Variants in BAIAP2L1 observed in about 807,000 individuals in gnomAD.
BAIAP2L1 encodes BAR/IMD domain-containing adapter protein 2-like 1.
In BAIAP2L1, 35 loss-of-function variants were observed where a neutral mutation model predicts 66.3. That is an observed-to-expected ratio of 0.53 (90% confidence interval 0.40 to 0.70). The LOEUF (loss-of-function observed/expected upper bound fraction) is 0.70. Among genes scored for constraint, BAIAP2L1 ranks in the 30% least tolerant of loss-of-function variants. The pLI is 0.00. For missense variants in BAIAP2L1, 622 were observed against 656.9 expected, an observed-to-expected ratio of 0.95 and a Z score of 0.58; for synonymous variants, 269 against 248.7, an observed-to-expected ratio of 1.08 and a Z score of -0.77.
At chr7:98,302,460 G>A (rs1584423902) in intron 12 of BAIAP2L1, among the ~76,000 whole-genome samples, 1 of 152,154 alleles carries the variant, frequency 6.6e-6, no homozygotes, top group South Asian at 2.1e-4. Flanking sequence ...AGAGATGGAC[G>A]TCCACACGTG....
chr7:98,368,605 C>A (rs1802441130), intron 1 of BAIAP2L1, among the ~76,000 whole-genome samples: 1 of 151,964 alleles, frequency 6.6e-6, no homozygotes, highest in Admixed American at 6.6e-5. Context: ...GCAGGAGAAT[C>A]ATTTGAACCT....
In BAIAP2L1 at chr7:98,293,530, G is replaced by C; in HGVS notation, c.1527C>G (p.Ile509Met). ...GTCCTTGGCTGTCCTCTCATCGAAT[G>C]ATGGGTGCCGAGCGATCATTCGTCA... ...PTVTNDRSAP[I>M]IR The change falls in exon 14 of 14, where the codon ATC becomes ATG. Residue 509 changes from isoleucine to methionine, a missense_variant. Transcript: ENST00000005260. The C allele has an allele frequency of 6.2e-7, 1 of 1,613,434 alleles. No individual in the cohort carries two copies. Among genetic ancestry groups the C allele is most frequent in the East Asian group, 2.2e-5 (1 of 44,886 alleles).
intron 3 of BAIAP2L1, 80 bp downstream of exon 3, chr7:98,354,962 G>T: frequency 1.9e-6 from 2 of 1,037,498 alleles, no homozygotes; most frequent in South Asian, 2.6e-5. Flanking sequence ...CTCTGTTCTG[G>T]ACTGGGCCAT....
chr7:98,394,314 T>C (rs1803148713), intron 1 of BAIAP2L1, among the ~76,000 whole-genome samples: 1 of 152,102 alleles, frequency 6.6e-6, no homozygotes, highest in African/African-American at 2.4e-5. Flanking sequence ...GCAGTTATGA[T>C]AGTTTTAGAG....
intron 3 of BAIAP2L1, chr7:98,323,151 C>G (rs199841098): frequency 4.1e-4 from 62 of 152,250 alleles, no homozygotes; most frequent in African/African-American, 1.4e-3. Context: ...TCTTCCAGAA[C>G]GGGGCATGAG....
chr7:98,375,985 A>G (rs1802618923), intron 1 of BAIAP2L1, among the ~76,000 whole-genome samples: 1 of 152,168 alleles, frequency 6.6e-6, no homozygotes, highest in Non-Finnish European at 1.5e-5. Flanking sequence ...CAAGATTAAC[A>G]TAAAATTTTG....
chr7:98,393,643 T>C (rs1399165219), intron 1 of BAIAP2L1, among the ~76,000 whole-genome samples: 1 of 151,370 alleles, frequency 6.6e-6, no homozygotes. Context: ...GACTACAGCC[T>C]CCCGCCACCG....
At chr7:98,294,342 A>G (rs1800097721) in intron 12 of BAIAP2L1, among the ~76,000 whole-genome samples, 1 of 152,216 alleles carries the variant, frequency 6.6e-6, no homozygotes, top group African/African-American at 2.4e-5. Flanking sequence ...TCTAAAACAT[A>G]AGGGATGTTT....
chr7:98,365,506 C>T (rs867224703), intron 1 of BAIAP2L1, among the ~76,000 whole-genome samples: 1 of 152,110 alleles, frequency 6.6e-6, no homozygotes, highest in Non-Finnish European at 1.5e-5. Context: ...AGTTTCACTC[C>T]GTTGCCCAGG....
chr7:98,308,471 G>A (rs1000436161), intron 9 of BAIAP2L1: 8 of 365,238 alleles, frequency 2.2e-5, no homozygotes, highest in East Asian at 7.3e-5. Flanking sequence ...CTGCCATCCC[G>A]CCAGGCTCCC....
chr7:98,338,912 A>G (rs1285357865), intron 3 of BAIAP2L1, among the ~76,000 whole-genome samples: 1 of 151,958 alleles, frequency 6.6e-6, no homozygotes, highest in Non-Finnish European at 1.5e-5. Flanking sequence ...CGTCTCTACT[A>G]AAAATACAAA....
intron 1 of BAIAP2L1, among the ~76,000 whole-genome samples, chr7:98,396,052 CCA>C (rs547185789): frequency 5.3e-5 from 8 of 152,122 alleles, no homozygotes; most frequent in Non-Finnish European, 1.2e-4. Flanking sequence ...CTTCAACATT[CCA>C]CACAGTTTTT....
intron 3 of BAIAP2L1, among the ~76,000 whole-genome samples, chr7:98,345,673 C>T (rs777934000): frequency 1.3e-5 from 2 of 150,868 alleles, no homozygotes; most frequent in African/African-American, 4.9e-5. Flanking sequence ...TGCAGTGAGC[C>T]GAGATCGCAC....
chr7:98,387,209 GA>G, intron 1 of BAIAP2L1, among the ~76,000 whole-genome samples: 1 of 152,174 alleles, frequency 6.6e-6, no homozygotes. Flanking sequence ...AGGCGGAGGA[GA>G]GGGGCTGCGG....
intron 12 of BAIAP2L1, among the ~76,000 whole-genome samples, chr7:98,302,152 T>C (rs1324590629): frequency 3.9e-5 from 6 of 152,250 alleles, no homozygotes; most frequent in African/African-American, 1.4e-4. Context: ...CTGTCATTAC[T>C]GAGTACACTG....
intron 2 of BAIAP2L1, among the ~76,000 whole-genome samples, chr7:98,361,997 G>C (rs1200489457): frequency 6.6e-6 from 1 of 152,124 alleles, no homozygotes; most frequent in African/African-American, 2.4e-5. Context: ...CTAAAGACAA[G>C]AAATTCTTTT....
In BAIAP2L1 at chr7:98,341,534, T is replaced by G. The variant is rs569042135; in HGVS notation, c.214+13508A>C. Among the ~76,000 whole-genome samples the G allele has an allele frequency of 2.4e-3, 367 of 152,188 alleles. 3 individuals are homozygous for G. Among genetic ancestry groups the G allele is most frequent in the South Asian group, 9.8e-3 (47 of 4,818 alleles). Reference sequence around the variant, plus strand: ...CCCCATCTCTAAAAAAAATTTTTTATTTTTTAAAAAAGCACATCTTTTGGA... The same window carrying G: ...CCCCATCTCTAAAAAAAATTTTTTAGTTTTTAAAAAAGCACATCTTTTGGA... On this transcript the variant is annotated intron_variant, in intron 3 of 13. Coordinates refer to ENST00000005260, the MANE Select transcript of BAIAP2L1 (RefSeq NM_018842.5).
intron 2 of BAIAP2L1, among the ~76,000 whole-genome samples, chr7:98,359,745 GTTTTTT>G (rs780836343): frequency 3.7e-5 from 4 of 109,026 alleles, no homozygotes; most frequent in East Asian, 2.7e-4. Flanking sequence ...GTAGACCTGG[GTTTTTT>G]TTTTTTTTTT....
intron 6 of BAIAP2L1, among the ~76,000 whole-genome samples, chr7:98,315,835 G>C (rs1274766183): frequency 6.6e-6 from 1 of 152,176 alleles, no homozygotes; most frequent in Non-Finnish European, 1.5e-5. Context: ...CCAAGGGCTT[G>C]ACATTCCCAC....
Sources: gnomAD v4.1 joint callset for allele counts (sites outside exome capture counted in the v4.1 genomes callset) on GRCh38, gnomAD v4.1.1 for gene constraint, MANE v1.5 for transcripts, NCBI Gene and HGNC (gene_info 2026-07-23, HGNC 2026-07-21) for gene names.